Variants in NPHP4 observed in about 807,000 individuals in gnomAD.
NPHP4 encodes nephrocystin 4, also known as nephrocystin-4.
NPHP4 carries 151 observed loss-of-function variants against 155.8 expected under a neutral mutation model. The ratio of observed to expected loss-of-function variants is 0.97; its 90% CI spans 0.85 to 1.11. NPHP4 has a LOEUF of 1.11. NPHP4 is among the 50% of genes least tolerant of loss of function. NPHP4 has a pLI of 0.00. For synonymous variants in NPHP4, 845 were observed against 816.8 expected, an observed-to-expected ratio of 1.03 and a Z score of -0.59; for missense variants, 1,956 against 1,925.7, an observed-to-expected ratio of 1.02 and a Z score of -0.29.
rs188886072 is a variant in NPHP4 at position 5,903,822 on chromosome 1, C to T, written c.2143+795G>A. On this transcript the variant is annotated intron_variant, in intron 16 of 29. Coordinates refer to ENST00000378156, the MANE Select transcript of NPHP4 (RefSeq NM_015102.5). ...AGGTGTTCTAGAAGCAGAACGTCAC[C>T]TCTGCACAAATGACACAGCGGTGGG... Among the ~76,000 whole-genome samples, 72 of 152,298 alleles carry T rather than the reference C, an allele frequency of 4.7e-4. 3 individuals carry two copies. The highest frequency in any genetic ancestry group is 5.9e-5 in the Non-Finnish European group (4 of 68,028).
intron 2 of NPHP4, among the ~76,000 whole-genome samples, chr1:5,985,138 G>C (rs1386148560): frequency 6.6e-6 from 1 of 152,194 alleles, no homozygotes. Context: ...GAACATCAGT[G>C]ATTTAATAAT....
intron 3 of NPHP4, among the ~76,000 whole-genome samples, chr1:5,969,673 C>T (rs577718175): frequency 1.3e-5 from 2 of 152,320 alleles, no homozygotes; most frequent in African/African-American, 4.8e-5. Flanking sequence ...CAGCCCAAGA[C>T]GTAACACATC....
chr1:5,882,729 T>TC lies in NPHP4; in HGVS notation c.2486-2491dup, dbSNP rs1264683558. The TC allele has an allele frequency of 6.5e-6, 1 of 152,806 alleles. No individual in the cohort carries two copies. The highest frequency in any genetic ancestry group is 1.5e-5 in the Non-Finnish European group (1 of 68,562). The allele number at this position is 152,806 out of a possible 1,614,324, so 9.5% of individuals were successfully genotyped here. A position where few individuals can be genotyped will look rare whatever the true frequency, so the allele number is the denominator to read the frequency against. ...TCCTCTCCCTGTTGCTCTCAGACCC[T>TC]CCCTCCTGTCCTGCCCGCCATGGCC... is the stretch of plus-strand genomic sequence containing the variant. On this transcript the variant is annotated intron_variant, in intron 18 of 29. Coordinates refer to ENST00000378156, the MANE Select transcript of NPHP4 (RefSeq NM_015102.5). The surrounding 1 kb of genome is among the most constrained non-coding windows in gnomAD (Gnocchi z 5.1).
chr1:5,991,184 C>G (rs1395977375), intron 1 of NPHP4, among the ~76,000 whole-genome samples: 2 of 152,160 alleles, frequency 1.3e-5, no homozygotes, highest in African/African-American at 4.8e-5. Flanking sequence ...TCTGATTAAG[C>G]ACTGCCTGGA....
intron 3 of NPHP4, among the ~76,000 whole-genome samples, chr1:5,969,547 G>A (rs750631745): frequency 6.6e-6 from 1 of 152,156 alleles, no homozygotes; most frequent in Non-Finnish European, 1.5e-5. Context: ...CCATTCCCTA[G>A]GAATTCCACC....
In NPHP4 at chr1:5,874,502, C is replaced by G. The variant is rs1313851585; in HGVS notation, c.3200G>C (p.Ser1067Thr). 10 of 1,571,590 alleles carry G rather than the reference C, an allele frequency of 6.4e-6. No homozygotes were observed. Among genetic ancestry groups the G allele is most frequent in the Non-Finnish European group, 8.6e-6 (10 of 1,157,078 alleles). ...CATGGCCAGCTGCCCTGCAGAGAAG[C>G]TCTGGAACTTGAAGGGGACGTGGGC... is the stretch of plus-strand genomic sequence containing the variant. ...ETAHVPFKFQ[S>T]FSAGQLAMVQ... is the part of the protein sequence containing the mutation. The change falls in exon 22 of 30, where the codon AGC becomes ACC. Residue 1067 changes from serine (S) to threonine (T), a missense_variant. Transcript: ENST00000378156.
intron 11 of NPHP4, among the ~76,000 whole-genome samples, chr1:5,922,262 C>T (rs1232798747): frequency 6.6e-6 from 1 of 152,236 alleles, no homozygotes; most frequent in Admixed American, 6.5e-5. Context: ...CGATTTAAGA[C>T]TATAGGACCC....
At position 5,961,764 on chromosome 1, in the gene NPHP4, C is replaced by T. The variant is rs1441538035; in HGVS notation, c.673+30G>A. On this transcript the variant is annotated intron_variant, in intron 6 of 29. Transcript: ENST00000378156. Reference sequence around the variant, plus strand: ...TGTGAACTAGGACAGACTCACCTCACCAAGTGGAGAGAATCAAAGACGCCC... The same window carrying T: ...TGTGAACTAGGACAGACTCACCTCATCAAGTGGAGAGAATCAAAGACGCCC... The T allele has an allele frequency of 2.5e-6, 4 of 1,598,732 alleles. No individual in the cohort carries two copies. In the African/African-American group the frequency reaches 5.4e-5, roughly 21 times the overall value.
chr1:5,933,128 G>C lies in NPHP4; in HGVS notation c.1302+19C>G. ...CTAGAAGCTCACCGGAGATGCATAA[G>C]AAATACCTAATAATTTACCTCTTCA... On this transcript the variant is annotated intron_variant, in intron 10 of 29. Transcript: ENST00000378156. 6.6e-7 allele frequency: 1 copy of C among 1,506,542 alleles called. No homozygotes were observed. Among genetic ancestry groups the C allele is most frequent in the Non-Finnish European group, 8.9e-7 (1 of 1,118,352 alleles). 93.3% of individuals were successfully genotyped at this position (1,506,542 alleles called of 1,614,324 possible). A position where few individuals can be genotyped will look rare whatever the true frequency, so the allele number is the denominator to read the frequency against.
At chr1:5,927,538 T>G in intron 11 of NPHP4, 111 bp downstream of exon 11, 1 of 1,200,566 alleles carries the variant, frequency 8.3e-7, no homozygotes, top group Non-Finnish European at 1.2e-6. Flanking sequence ...TCTACGACGA[T>G]TATCTTACAA....
rs747952853 is a variant in NPHP4 at position 5,864,530 on chromosome 1, G to A, written c.3817-13C>T. 1.3e-6 allele frequency: 2 copies of A among 1,527,716 alleles called. No individual in the cohort carries two copies. Among genetic ancestry groups the A allele is most frequent in the South Asian group, 2.5e-5 (2 of 80,738 alleles). The allele number at this position is 1,527,716 out of a possible 1,614,324, so 94.6% of individuals were successfully genotyped here. A position where few individuals can be genotyped will look rare whatever the true frequency, so the allele number is the denominator to read the frequency against. On this transcript the variant is annotated splice_polypyrimidine_tract_variant and intron_variant, in intron 27 of 29. Transcript: ENST00000378156. ...CTTTGGGGTCTGTCTTCAAGAGCGA[G>A]AGAGGCGGGTCAGAGCACAGCCTCT...
rs1363444326 is a variant in NPHP4 at position 5,910,898 on chromosome 1, GA to G, written c.1442-1686del. Among the ~76,000 whole-genome samples, 11 of 152,174 alleles carry G rather than the reference GA, an allele frequency of 7.2e-5. No individual in the cohort carries two copies. Among genetic ancestry groups the G allele is most frequent in the African/African-American group, 2.7e-4 (11 of 41,436 alleles). On this transcript the variant is annotated intron_variant, in intron 11 of 29. Transcript: ENST00000378156. The surrounding 1 kb of genome is among the most constrained non-coding windows in gnomAD (Gnocchi z 5.4). ...GAAGGCATTGGGGCAAGGCCAGAGGGAGCCCCCAACCCTCAGAGGATCCAAC... is the reference window on the plus strand; with the variant it reads ...GAAGGCATTGGGGCAAGGCCAGAGGGGCCCCCAACCCTCAGAGGATCCAAC...
chr1:5,926,786 G>A (rs1381319418), intron 11 of NPHP4, among the ~76,000 whole-genome samples: 5 of 152,154 alleles, frequency 3.3e-5, no homozygotes, highest in African/African-American at 1.2e-4. Flanking sequence ...CGACACCCGG[G>A]CATCACCAGC....
Position 5,867,057 on chromosome 1 carries a change from CG to C in NPHP4, c.3530del (p.Pro1177ArgfsTer20), listed in dbSNP as rs1641308056. ...DPPVHVRCSD[P>X]NVICETQNVG... ...CATTCTGGGTCTCACAGATGACGTT[CG>C]GGTCGCTGCAGCGAACATGGACTGG... is the stretch of plus-strand genomic sequence containing the variant. On this transcript the variant is annotated frameshift_variant, in exon 25 of 30. Coordinates refer to ENST00000378156, the MANE Select transcript of NPHP4 (RefSeq NM_015102.5). LOFTEE classifies it high-confidence loss of function. This position sits in a 1 kb window ranked among gnomAD's most constrained non-coding sequence, Gnocchi z 4.1. 5 of 1,613,024 alleles carry C rather than the reference CG, an allele frequency of 3.1e-6. No homozygotes were observed. Among genetic ancestry groups the C allele is most frequent in the Non-Finnish European group, 3.4e-6 (4 of 1,179,516 alleles).
intron 28 of NPHP4, 74 bp from the exon 29 acceptor site, chr1:5,864,107 CCT>C (rs1303703776): frequency 1.6e-5 from 24 of 1,525,650 alleles, no homozygotes; most frequent in East Asian, 1.4e-4. Flanking sequence ...CCAAGTATTC[CCT>C]GAGTCTCCTG....
chr1:5,879,719 T>TA, intron 19 of NPHP4: 1 of 439,398 alleles, frequency 2.3e-6, no homozygotes, highest in South Asian at 1.7e-5. Flanking sequence ...GAGCTGCATA[T>TA]GGACAGCACA....
chr1:5,922,911 T>C (rs1227847525), intron 11 of NPHP4, among the ~76,000 whole-genome samples: 1 of 152,160 alleles, frequency 6.6e-6, no homozygotes, highest in African/African-American at 2.4e-5. Context: ...GGCGGGTGGA[T>C]TGCTTGAGCT....
intron 23 of NPHP4, among the ~76,000 whole-genome samples, chr1:5,868,711 A>T (rs536193737): frequency 1.2e-5 from 1 of 86,260 alleles, no homozygotes; most frequent in Admixed American, 1.3e-4. Flanking sequence ...CGCATGCCCC[A>T]CACACACACA....
intron 18 of NPHP4, among the ~76,000 whole-genome samples, chr1:5,885,271 CAAGAT>C (rs1266392023): frequency 6.7e-6 from 1 of 149,950 alleles, no homozygotes; most frequent in African/African-American, 2.5e-5. Context: ...ACTCCGCAAC[CAAGAT>C]AAGTGCCCAA....
Sources: allele counts gnomAD v4.1 joint callset (sites outside exome capture counted in the v4.1 genomes callset), GRCh38; gene constraint gnomAD v4.1.1; non-coding constraint Gnocchi (gnomAD v3.1); transcripts MANE v1.5; gene names NCBI Gene and HGNC (gene_info 2026-07-23, HGNC 2026-07-21).